KIF15: variants seen among roughly 807,000 people sequenced by gnomAD.
KIF15 encodes the protein kinesin family member 15.
A neutral mutation model predicts 190.6 loss-of-function variants in KIF15; 140 were observed. The observed-to-expected ratio is 0.73, with a 90% CI of 0.64 to 0.84. The LOEUF (loss-of-function observed/expected upper bound fraction) is 0.84. KIF15 is among the 40% of genes least tolerant of loss of function. The pLI, the probability that KIF15 is intolerant of heterozygous loss-of-function variation, is 0.00. For synonymous variants in KIF15, 528 were observed against 551.3 expected (o/e 0.96, Z 0.59); for missense variants, 1,372 against 1,584.4 (o/e 0.87, Z 2.28).
At position 44,867,682 on chromosome 3, in the gene KIF15, C is replaced by T. The variant is rs757276891; in HGVS notation, c.*60-5647C>T. The stretch of plus-strand genomic sequence containing the variant: ...ATGTACAAGATGTATTTGTAGAAGA[C>T]GTATATTTGTACAAGATGTAAGATT... On this transcript the variant is annotated intron_variant and NMD_transcript_variant, in intron 6 of 6. Transcript: ENST00000422209. 3.3e-5 allele frequency among the ~76,000 whole-genome samples: 5 copies of T among 152,114 alleles called. No homozygotes were observed. The East Asian group carries it at 5.8e-4, about 18-fold the overall frequency.
intron 6 of KIF15, among the ~76,000 whole-genome samples, chr3:44,861,637 G>C (rs996285566): frequency 6.6e-6 from 1 of 152,228 alleles, no homozygotes; most frequent in African/African-American, 2.4e-5. Flanking sequence ...TAAGCCGCGA[G>C]AAGTTTACCT....
chr3:44,852,577 A>T, intron 34 of KIF15, 96 bp from the exon 35 acceptor site: 1 of 946,666 alleles, frequency 1.1e-6, no homozygotes, highest in Non-Finnish European at 1.6e-6. Flanking sequence ...TCCAGTCTTA[A>T]TTTGAAATAT....
chr3:44,783,487 G>GC (rs1405427797), intron 5 of KIF15, among the ~76,000 whole-genome samples: 2 of 152,088 alleles, frequency 1.3e-5, no homozygotes, highest in African/African-American at 4.8e-5. Flanking sequence ...GAGGGGTTGT[G>GC]CCCCCCACAC....
At chr3:44,803,981 G>A in intron 14 of KIF15, among the ~76,000 whole-genome samples, 1 of 151,942 alleles carries the variant, frequency 6.6e-6, no homozygotes, top group East Asian at 1.9e-4. Flanking sequence ...GCTCCCTCCT[G>A]GGATTACAGT....
At chr3:44,860,073 A>G in intron 6 of KIF15, among the ~76,000 whole-genome samples, 1 of 152,076 alleles carries the variant, frequency 6.6e-6, no homozygotes, top group East Asian at 1.9e-4. Context: ...AGGAACAACC[A>G]CAGGACTGGT....
Position 44,814,990 on chromosome 3 carries a change from T to C in KIF15, c.2463T>C (p.Tyr821=). The C allele has an allele frequency of 6.2e-7, 1 of 1,613,530 alleles. No homozygotes were observed. The highest frequency in any genetic ancestry group is 1.1e-5 in the South Asian group (1 of 90,916). The change falls in exon 20 of 35, where the codon TAT becomes TAC. Residue 821 remains tyrosine (Y), a synonymous_variant. Transcript: ENST00000326047. ...AGCTTTCTTCAGTGAAATTGGAATA[T>C]AGTTCATTCAAAACGAATCAGGAGA... ...DKELSSVKLE[Y]SSFKTNQEKE... is the part of the protein sequence containing the mutation.
At chr3:44,780,738 A>G (rs2125911153) in intron 4 of KIF15, 147 bp from the exon 5 acceptor site, 1 of 531,916 alleles carries the variant, frequency 1.9e-6, no homozygotes, top group South Asian at 3.1e-5. Flanking sequence ...AAGGAGGCAG[A>G]TCATTCACTT....
rs748750764 is a variant in KIF15, at chr3:44,841,247, AT to A, written c.3585+17del. 2.5e-5 allele frequency: 40 copies of A among 1,587,880 alleles called. No individual in the cohort carries two copies. Among genetic ancestry groups the A allele is most frequent in the Admixed American group, 3.8e-5 (2 of 52,310 alleles). ...AAATCCTCAGAATGAAGGTAATTGG[AT>A]TTTTTTTCCAGTAAATTTAATTATT... On this transcript the variant is annotated intron_variant, in intron 29 of 34. Coordinates refer to ENST00000326047, the MANE Select transcript of KIF15 (RefSeq NM_020242.3).
intron 4 of KIF15, among the ~76,000 whole-genome samples, chr3:44,779,786 A>G (rs112782650): frequency 0.011 from 1,587 of 148,486 alleles, 27 homozygotes; most frequent in African/African-American, 0.037. Flanking sequence ...GTGAGCCGAG[A>G]TCGTGCCACT....
intron 1 of KIF15, among the ~76,000 whole-genome samples, chr3:44,765,162 C>T (rs1705325180): frequency 6.6e-6 from 1 of 152,202 alleles, no homozygotes; most frequent in African/African-American, 2.4e-5. Context: ...ATTTCACTTT[C>T]TCTCGCTATT....
At chr3:44,825,238 A>G (rs1254030867) in intron 20 of KIF15, among the ~76,000 whole-genome samples, 2 of 152,196 alleles carry the variant, frequency 1.3e-5, no homozygotes, top group Non-Finnish European at 2.9e-5. Flanking sequence ...TACTTTATAT[A>G]TCTATATCTA....
rs1705152539 is a variant in KIF15, at chr3:44,761,823, G to A, written c.-43G>A. On this transcript the variant is annotated 5_prime_UTR_variant, in exon 1 of 35. Coordinates refer to ENST00000326047, the MANE Select transcript of KIF15 (RefSeq NM_020242.3). ...GCGCGCGGTGCAGTCGGGAGGTGGA[G>A]GCACCGGCTGCATTGTTTTCGGGAT... 6.2e-7 allele frequency: 1 copy of A among 1,613,922 alleles called. No homozygotes were observed. The highest frequency in any genetic ancestry group is 8.5e-7 in the Non-Finnish European group (1 of 1,179,914).
chr3:44,848,992 T>C (rs963351897), intron 32 of KIF15, among the ~76,000 whole-genome samples: 1 of 152,204 alleles, frequency 6.6e-6, no homozygotes, highest in African/African-American at 2.4e-5. Flanking sequence ...TTCATAAAGT[T>C]TTCATATTAA....
chr3:44,830,120 C>A lies in KIF15; in HGVS notation c.3048+45C>A, dbSNP rs374345732. ...AGATGTTAAATTTGAGCATGGGACACTTCACAGACTTTTCAAGAGTTTAAC... is the reference window on the plus strand; with the variant it reads ...AGATGTTAAATTTGAGCATGGGACAATTCACAGACTTTTCAAGAGTTTAAC... On this transcript the variant is annotated intron_variant, in intron 25 of 34. Coordinates refer to ENST00000326047, the MANE Select transcript of KIF15 (RefSeq NM_020242.3). The A allele has an allele frequency of 1.1e-5, 11 of 1,006,134 alleles. No homozygotes were observed. In the African/African-American group the frequency reaches 1.7e-4, roughly 15 times the overall value. The allele number at this position is 1,006,134 out of a possible 1,614,324, so 62.3% of individuals were successfully genotyped here. A position where few individuals can be genotyped will look rare whatever the true frequency, so the allele number is the denominator to read the frequency against.
At chr3:44,783,329 G>A (rs1482741475) in intron 5 of KIF15, among the ~76,000 whole-genome samples, 2 of 152,270 alleles carry the variant, frequency 1.3e-5, no homozygotes, top group East Asian at 3.9e-4. Flanking sequence ...GAATGGGCAT[G>A]CAGGGATTAC....
At chr3:44,809,262 C>A (rs545418763) in intron 16 of KIF15, among the ~76,000 whole-genome samples, 10 of 152,260 alleles carry the variant, frequency 6.6e-5, no homozygotes, top group African/African-American at 2.4e-4. Context: ...ATATCCTATT[C>A]CCTGAAAAGA....
chr3:44,813,825 C>T (rs1042175493), intron 19 of KIF15, among the ~76,000 whole-genome samples: 11 of 152,050 alleles, frequency 7.2e-5, no homozygotes, highest in Non-Finnish European at 1.3e-4. Context: ...GCCATGTTGG[C>T]CAGGCTGGTC....
intron 5 of KIF15, 114 bp from the exon 6 acceptor site, chr3:44,784,731 G>T (rs1706328258): frequency 1.6e-6 from 1 of 640,390 alleles, no homozygotes; most frequent in Non-Finnish European, 2.7e-6. Context: ...CTTGCTTGGA[G>T]CACAAGTAGG....
chr3:44,802,475 C>G (rs1575613226), intron 13 of KIF15, among the ~76,000 whole-genome samples: 1 of 152,098 alleles, frequency 6.6e-6, no homozygotes, highest in South Asian at 2.1e-4. Flanking sequence ...TTCAGTTAAT[C>G]TTGGTTGACA....
Sources: allele counts gnomAD v4.1 joint callset (sites outside exome capture counted in the v4.1 genomes callset), GRCh38; gene constraint gnomAD v4.1.1; transcripts MANE v1.5; gene names NCBI Gene and HGNC (gene_info 2026-07-23, HGNC 2026-07-21).